Variants in AFG2A observed in about 807,000 individuals in gnomAD.
The protein encoded by AFG2A is ATPase family gene 2 protein homolog A.
chr4:123,183,019 T>G, the AFG2A span, among the ~76,000 whole-genome samples: 1 of 152,200 alleles, frequency 6.6e-6, no homozygotes, highest in African/African-American at 2.4e-5. Context: ...CAGATAAGCT[T>G]TGAAAAACCA....
the AFG2A span, among the ~76,000 whole-genome samples, chr4:122,991,332 T>C: frequency 6.6e-6 from 1 of 152,164 alleles, no homozygotes; most frequent in Non-Finnish European, 1.5e-5. Flanking sequence ...CTCTTTTAAA[T>C]CCTACCTTAT....
chr4:123,178,420 T>G, the AFG2A span, among the ~76,000 whole-genome samples: 16 of 152,232 alleles, frequency 1.1e-4, no homozygotes, highest in African/African-American at 3.9e-4. Flanking sequence ...AAAATTTTGT[T>G]TAAGAAACAA....
the AFG2A span, among the ~76,000 whole-genome samples, chr4:123,043,672 A>C: frequency 6.6e-6 from 1 of 152,176 alleles, no homozygotes; most frequent in African/African-American, 2.4e-5. Context: ...GTGCCCTTTA[A>C]AAATTTTTAA....
the AFG2A span, chr4:122,938,048 C>T: frequency 2.7e-4 from 352 of 1,325,350 alleles, no homozygotes; most frequent in Non-Finnish European, 3.3e-4. Flanking sequence ...TGTTGCATTT[C>T]AGTTAAAAAA....
At chr4:123,177,192 A>ATTTTT in the AFG2A span, among the ~76,000 whole-genome samples, 9 of 130,242 alleles carry the variant, frequency 6.9e-5, no homozygotes, top group Non-Finnish European at 1.1e-4. Flanking sequence ...GCTTGATTTG[A>ATTTTT]TTTTTTTTTT....
chr4:123,221,317 G>A, the AFG2A span, among the ~76,000 whole-genome samples: 14 of 151,954 alleles, frequency 9.2e-5, no homozygotes, highest in Admixed American at 5.2e-4. Context: ...CACCATACTC[G>A]GGAAATTTTT....
the AFG2A span, among the ~76,000 whole-genome samples, chr4:123,036,446 A>G: frequency 2.0e-5 from 3 of 152,268 alleles, no homozygotes; most frequent in East Asian, 5.8e-4. Flanking sequence ...AATATGTCCT[A>G]AAGGCAGTTG....
the AFG2A span, among the ~76,000 whole-genome samples, chr4:122,959,826 C>A: frequency 1.1e-4 from 17 of 152,314 alleles, no homozygotes; most frequent in Admixed American, 1.3e-4. Context: ...CATCTCTAAT[C>A]TTTTATTCCA....
At chr4:123,304,437 G>A in the AFG2A span, among the ~76,000 whole-genome samples, 1 of 152,134 alleles carries the variant, frequency 6.6e-6, no homozygotes, top group South Asian at 2.1e-4. Flanking sequence ...ACAGAGGAAG[G>A]AGGTCGCAAG....
the AFG2A span, among the ~76,000 whole-genome samples, chr4:123,292,554 G>A: frequency 6.6e-6 from 1 of 152,118 alleles, no homozygotes; most frequent in African/African-American, 2.4e-5. Flanking sequence ...AATTCCCCTT[G>A]AGAATGTGAC....
the AFG2A span, among the ~76,000 whole-genome samples, chr4:123,121,016 A>C: frequency 6.6e-6 from 1 of 152,286 alleles, no homozygotes; most frequent in South Asian, 2.1e-4. Context: ...CCTTTCAGGG[A>C]AATAAGATGT....
the AFG2A span, among the ~76,000 whole-genome samples, chr4:122,955,566 G>A: frequency 6.6e-6 from 1 of 152,168 alleles, no homozygotes; most frequent in Non-Finnish European, 1.5e-5. Context: ...TGAAGACCCT[G>A]CCTTTAGTCT....
chr4:123,059,517 T>C, the AFG2A span, among the ~76,000 whole-genome samples: 2 of 152,020 alleles, frequency 1.3e-5, no homozygotes, highest in Non-Finnish European at 2.9e-5. Flanking sequence ...TATTCCATGG[T>C]GTATCTGTGC....
the AFG2A span, among the ~76,000 whole-genome samples, chr4:123,184,410 A>T: frequency 6.6e-6 from 1 of 152,164 alleles, no homozygotes; most frequent in Non-Finnish European, 1.5e-5. Context: ...ATACTTTTCT[A>T]AAGTGCTGTC....
chr4:122,943,469 T>A, the AFG2A span, among the ~76,000 whole-genome samples: 1 of 152,230 alleles, frequency 6.6e-6, no homozygotes, highest in African/African-American at 2.4e-5. Flanking sequence ...CCTGCCTTTT[T>A]TTGTTTTCCA....
chr4:123,285,860 A>G, the AFG2A span, among the ~76,000 whole-genome samples: 2 of 152,164 alleles, frequency 1.3e-5, no homozygotes, highest in Non-Finnish European at 2.9e-5. Flanking sequence ...TACCTACCAC[A>G]TTAGATTGTT....
chr4:123,309,061 A>T, the AFG2A span, among the ~76,000 whole-genome samples: 1 of 152,324 alleles, frequency 6.6e-6, no homozygotes, highest in Admixed American at 6.5e-5. Context: ...CTATGCTAAT[A>T]AGCAAGAGCC....
At chr4:122,982,864 C>CTTTTTTT in the AFG2A span, among the ~76,000 whole-genome samples, 430 of 93,712 alleles carry the variant, frequency 4.6e-3, 2 homozygotes, top group Middle Eastern at 9.4e-3. Flanking sequence ...TAATCTTCTT[C>CTTTTTTT]TTTTTTTTTT....
chr4:123,263,262 C>T, the AFG2A span, among the ~76,000 whole-genome samples: 3 of 152,180 alleles, frequency 2.0e-5, no homozygotes, highest in Non-Finnish European at 4.4e-5. Context: ...CTTCACCCCA[C>T]TTGGTGACAG....
Sources: gnomAD v4.1 joint callset for allele counts (sites outside exome capture counted in the v4.1 genomes callset) on GRCh38, gnomAD v4.1.1 for gene constraint, MANE v1.5 for transcripts, NCBI Gene and HGNC (gene_info 2026-07-23, HGNC 2026-07-21) for gene names.